Variants in PCDH17 observed in about 807,000 individuals in gnomAD.
The protein encoded by PCDH17 is protocadherin 17.
In PCDH17, 21 loss-of-function variants were observed where a neutral mutation model predicts 67.7. That is an observed-to-expected ratio of 0.31 (90% CI 0.22 to 0.45). The LOEUF (loss-of-function observed/expected upper bound fraction) is 0.45. PCDH17 is among the 20% of genes least tolerant of loss of function. PCDH17 has a pLI of 1.00. For missense variants in PCDH17, 1,471 were observed against 1,564.8 expected (o/e 0.94, Z 1.01); for synonymous variants, 701 against 656.7 (o/e 1.07, Z -1.03).
intron 1 of PCDH17, among the ~76,000 whole-genome samples, chr13:57,660,106 C>T (rs552630844): frequency 6.6e-6 from 1 of 152,234 alleles, no homozygotes; most frequent in East Asian, 1.9e-4. Context: ...AGATAGCCGC[C>T]ATGTTGGCGC....
intron 3 of PCDH17, among the ~76,000 whole-genome samples, chr13:57,695,683 C>G (rs1955600003): frequency 6.6e-6 from 1 of 151,156 alleles, no homozygotes; most frequent in African/African-American, 2.4e-5. Context: ...AAACTGGGGC[C>G]AAATTTAAAT....
intron 3 of PCDH17, among the ~76,000 whole-genome samples, chr13:57,710,455 C>T (rs1955765494): frequency 6.6e-6 from 1 of 151,772 alleles, no homozygotes; most frequent in African/African-American, 2.4e-5. Context: ...ATAAATTATG[C>T]AATACATTTC....
Position 57,674,955 on chromosome 13 carries a change from G to A in PCDH17, c.2797+8122G>A, listed in dbSNP as rs538755511. 2.0e-5 allele frequency among the ~76,000 whole-genome samples: 3 copies of A among 151,934 alleles called. No homozygotes were observed. The South Asian group carries it at 6.2e-4, about 32-fold the overall frequency. On this transcript the variant is annotated intron_variant, in intron 3 of 3. Coordinates refer to ENST00000377918, the MANE Select transcript of PCDH17 (RefSeq NM_001040429.3). ...TTTCCATTGAGTCTTCAGGTTAGTGGCAAAGGCAATACTAGTTCCAGGTTT... is the reference window on the plus strand; with the variant it reads ...TTTCCATTGAGTCTTCAGGTTAGTGACAAAGGCAATACTAGTTCCAGGTTT...
chr13:57,641,579 AAAAAAAAAATATATATAT>A (rs1954900707), intron 1 of PCDH17, among the ~76,000 whole-genome samples: 6 of 77,718 alleles, frequency 7.7e-5, no homozygotes, highest in South Asian at 1.1e-3. Flanking sequence ...AAAAAAAAAA[AAAAAAAAAATATATATAT>A]ATATATATAT....
chr13:57,652,455 C>T (rs939013429), intron 1 of PCDH17, among the ~76,000 whole-genome samples: 4 of 152,002 alleles, frequency 2.6e-5, no homozygotes, highest in Non-Finnish European at 4.4e-5. Context: ...AGAGGATTTT[C>T]CAAAATCGGT....
intron 3 of PCDH17, among the ~76,000 whole-genome samples, chr13:57,669,803 C>T (rs1871388764): frequency 6.6e-6 from 1 of 152,012 alleles, no homozygotes; most frequent in African/African-American, 2.4e-5. Context: ...AAATGAGAGA[C>T]TTTGCTCAAA....
intron 1 of PCDH17, among the ~76,000 whole-genome samples, chr13:57,658,862 C>G (rs1201733345): frequency 1.3e-5 from 2 of 152,072 alleles, no homozygotes; most frequent in African/African-American, 4.8e-5. Flanking sequence ...TCACCTCAAC[C>G]TCCGCCTCCT....
At chr13:57,639,625 G>A (rs910134934) in intron 1 of PCDH17, among the ~76,000 whole-genome samples, 8 of 151,828 alleles carry the variant, frequency 5.3e-5, no homozygotes, top group African/African-American at 1.7e-4. Flanking sequence ...TACCATTCTT[G>A]TATTGAGATT....
At position 57,654,562 on chromosome 13, in the gene PCDH17, T is replaced by C. The variant is rs187995622; in HGVS notation, c.2566-11906T>C. On this transcript the variant is annotated intron_variant, in intron 1 of 3. Transcript: ENST00000377918. Reference sequence around the variant, plus strand: ...ATCGTCATTAAGTAAGATTGCTTGTTTCACTAGAGGAGAAAATTCTTGAAA... The same window carrying C: ...ATCGTCATTAAGTAAGATTGCTTGTCTCACTAGAGGAGAAAATTCTTGAAA... 1.0e-3 allele frequency among the ~76,000 whole-genome samples: 158 copies of C among 152,184 alleles called. 1 individual carries two copies. The highest frequency in any genetic ancestry group is 3.4e-3 in the Middle Eastern group (1 of 294).
chr13:57,687,077 T>C (rs1225669310), intron 3 of PCDH17, among the ~76,000 whole-genome samples: 2 of 152,078 alleles, frequency 1.3e-5, no homozygotes, highest in African/African-American at 4.8e-5. Context: ...CTAATATGTA[T>C]TCAGAATGGT....
chr13:57,686,777 T>G (rs2138056017), intron 3 of PCDH17, among the ~76,000 whole-genome samples: 1 of 152,128 alleles, frequency 6.6e-6, no homozygotes, highest in South Asian at 2.1e-4. Context: ...AAATAACATA[T>G]ATTTGAATTC....
At chr13:57,654,191 G>A (rs762946500) in intron 1 of PCDH17, among the ~76,000 whole-genome samples, 83 of 151,984 alleles carry the variant, frequency 5.5e-4, no homozygotes, top group Admixed American at 2.2e-3. Context: ...TTCTGTTAAG[G>A]GCCAGATAGT....
At chr13:57,666,931 C>A in intron 3 of PCDH17, 98 bp downstream of exon 3, 1 of 833,866 alleles carries the variant, frequency 1.2e-6, no homozygotes, top group African/African-American at 1.7e-5. Flanking sequence ...TGGAATGGAC[C>A]ATTTATAATA....
At chr13:57,680,869 G>T (rs1024115071) in intron 3 of PCDH17, among the ~76,000 whole-genome samples, 3 of 151,618 alleles carry the variant, frequency 2.0e-5, no homozygotes, top group African/African-American at 7.3e-5. Context: ...CATTTTTACA[G>T]CAGAGCTGAT....
In PCDH17 at chr13:57,709,937, C is replaced by T. The variant is rs983758968; in HGVS notation, c.2798-14675C>T. On this transcript the variant is annotated intron_variant, in intron 3 of 3. Transcript: ENST00000377918. ...TCTGCATTAATGCTCTTAGTATTTC[C>T]GGAAAAGCTGTATAGTGTTAACGGT... Among the ~76,000 whole-genome samples the T allele has an allele frequency of 4.6e-5, 7 of 151,878 alleles. No individual in the cohort carries two copies. The South Asian group carries it at 8.3e-4, about 18-fold the overall frequency.
At chr13:57,662,986 T>C (rs1378199283) in intron 1 of PCDH17, among the ~76,000 whole-genome samples, 1 of 152,150 alleles carries the variant, frequency 6.6e-6, no homozygotes, top group Non-Finnish European at 1.5e-5. Context: ...GTACATTCAG[T>C]ATGATGTTAG....
At chr13:57,670,760 T>C (rs1761997377) in intron 3 of PCDH17, among the ~76,000 whole-genome samples, 1 of 151,868 alleles carries the variant, frequency 6.6e-6, no homozygotes, top group Non-Finnish European at 1.5e-5. Flanking sequence ...TTTTATTTTA[T>C]TAGCTCAAAT....
intron 3 of PCDH17, among the ~76,000 whole-genome samples, chr13:57,681,389 C>G (rs1186615271): frequency 6.6e-6 from 1 of 151,788 alleles, no homozygotes; most frequent in Non-Finnish European, 1.5e-5. Flanking sequence ...CACCTATAGT[C>G]ATATGATTAA....
chr13:57,646,260 C>T (rs1008804468), intron 1 of PCDH17, among the ~76,000 whole-genome samples: 1 of 151,378 alleles, frequency 6.6e-6, no homozygotes, highest in Non-Finnish European at 1.5e-5. Context: ...CAAGCTAAGC[C>T]TTCATATAAA....
Sources: allele counts gnomAD v4.1 joint callset (sites outside exome capture counted in the v4.1 genomes callset), GRCh38; gene constraint gnomAD v4.1.1; transcripts MANE v1.5; gene names NCBI Gene and HGNC (gene_info 2026-07-23, HGNC 2026-07-21).